PDE7A: variants seen among roughly 807,000 people sequenced by gnomAD.
PDE7A encodes phosphodiesterase 7A, also known as high affinity 3',5'-cyclic-AMP phosphodiesterase 7A.
A neutral mutation model predicts 64.3 loss-of-function variants in PDE7A; 39 were observed. That is an observed-to-expected ratio of 0.61 (90% CI 0.47 to 0.79). The LOEUF is 0.79. Ranked by LOEUF, PDE7A falls within the 30% of genes least tolerant of loss-of-function variation. The pLI is 0.00. For synonymous variants in PDE7A, 203 were observed against 206.8 expected, an observed-to-expected ratio of 0.98 and a Z score of 0.16; for missense variants, 470 against 582.8, an observed-to-expected ratio of 0.81 and a Z score of 1.99.
At chr8:65,776,588 A>T (rs1809266589) in intron 3 of PDE7A, among the ~76,000 whole-genome samples, 1 of 152,146 alleles carries the variant, frequency 6.6e-6, no homozygotes, top group South Asian at 2.1e-4. Context: ...CTATGTAATC[A>T]CTTACAGTTT....
intron 3 of PDE7A, among the ~76,000 whole-genome samples, chr8:65,757,913 A>G (rs1563491689): frequency 1.3e-5 from 2 of 152,214 alleles, no homozygotes; most frequent in African/African-American, 2.4e-5. Context: ...CACCACACCC[A>G]GCCAACTCCA....
At chr8:65,753,693 T>A (rs948830498) in intron 3 of PDE7A, among the ~76,000 whole-genome samples, 8 of 152,178 alleles carry the variant, frequency 5.3e-5, no homozygotes, top group African/African-American at 1.9e-4. Flanking sequence ...CTCTTCTGAT[T>A]GTCCTATCCA....
chr8:65,798,199 TATA>T (rs1563511788), intron 1 of PDE7A, among the ~76,000 whole-genome samples: 2 of 22,522 alleles, frequency 8.9e-5, no homozygotes, highest in South Asian at 1.6e-3. Flanking sequence ...TATATATATA[TATA>T]TATATTTTTT....
At chr8:65,737,708 G>A (rs576890740) in intron 6 of PDE7A, among the ~76,000 whole-genome samples, 2 of 151,946 alleles carry the variant, frequency 1.3e-5, no homozygotes, top group Non-Finnish European at 2.9e-5. Flanking sequence ...TAGTAGAGAC[G>A]GGGTTTCACC....
rs137869565 is a variant in PDE7A, at chr8:65,821,209, A to AT, written c.138+20161dup. On this transcript the variant is annotated intron_variant, in intron 1 of 12. Coordinates refer to ENST00000401827, the MANE Select transcript of PDE7A (RefSeq NM_001242318.3). ...AAAAAAACCCTTTTTTCATATTTGT[A>AT]TTTTTTTTAAGAGAAAATAATGCCT... Among the ~76,000 whole-genome samples the AT allele has an allele frequency of 1.3e-4, 20 of 151,990 alleles. No individual in the cohort carries two copies. In the East Asian group the frequency reaches 1.7e-3, roughly 13 times the overall value.
intron 3 of PDE7A, among the ~76,000 whole-genome samples, chr8:65,748,766 G>A (rs1390971255): frequency 6.6e-6 from 1 of 152,050 alleles, no homozygotes; most frequent in African/African-American, 2.4e-5. Flanking sequence ...TGTGTATAAT[G>A]GCAATAATAT....
Position 65,719,093 on chromosome 8 carries a change from T to C in PDE7A, c.*197A>G, listed in dbSNP as rs1293298353. On this transcript the variant is annotated 3_prime_UTR_variant, in exon 13 of 13. Coordinates refer to ENST00000401827, the MANE Select transcript of PDE7A (RefSeq NM_001242318.3). ...GTTTCACATGAAAGCCAAATTCATA[T>C]TGCTGTATGTTCGGGTCTTGCAATT... 2.7e-5 allele frequency: 16 copies of C among 583,768 alleles called. No individual in the cohort carries two copies. The highest frequency in any genetic ancestry group is 4.3e-5 in the Non-Finnish European group (14 of 327,034). The allele number at this position is 583,768 out of a possible 1,614,324, so 36.2% of individuals were successfully genotyped here.
intron 5 of PDE7A, among the ~76,000 whole-genome samples, chr8:65,740,775 A>G (rs1052648639): frequency 6.6e-6 from 1 of 152,090 alleles, no homozygotes; most frequent in Non-Finnish European, 1.5e-5. Context: ...AGGTACAACT[A>G]TCCCCACCCC....
intron 5 of PDE7A, among the ~76,000 whole-genome samples, chr8:65,745,093 A>T (rs115577074): frequency 6.6e-6 from 1 of 152,222 alleles, no homozygotes; most frequent in East Asian, 1.9e-4. Context: ...TGATGATTTC[A>T]TAAGGGGTTT....
intron 12 of PDE7A, chr8:65,722,723 A>T (rs996843761): frequency 6.6e-6 from 1 of 152,230 alleles, no homozygotes; most frequent in African/African-American, 2.4e-5. Flanking sequence ...TAATACAGTT[A>T]TTAGTTCACT....
intron 4 of PDE7A, among the ~76,000 whole-genome samples, chr8:65,745,966 C>T (rs1291235418): frequency 6.8e-6 from 1 of 147,566 alleles, no homozygotes; most frequent in South Asian, 2.1e-4. Context: ...CACTCACTGT[C>T]ACCAAGGCTG....
intron 3 of PDE7A, among the ~76,000 whole-genome samples, chr8:65,760,677 A>G (rs1384879815): frequency 6.6e-6 from 1 of 152,186 alleles, no homozygotes; most frequent in Non-Finnish European, 1.5e-5. Context: ...TAGTTTCTTC[A>G]TGTTTACTCC....
chr8:65,736,079 G>A lies in PDE7A; in HGVS notation c.596-1185C>T, dbSNP rs138341942. On this transcript the variant is annotated intron_variant, in intron 6 of 12. Transcript: ENST00000401827. The stretch of plus-strand genomic sequence containing the variant: ...TATACAAACACACCTACGATAATGC[G>A]CAATTTATAAGTTAGTCACAGTAAG... Among the ~76,000 whole-genome samples the A allele has an allele frequency of 3.8e-3, 577 of 152,064 alleles. 6 individuals carry two copies. Among genetic ancestry groups the A allele is most frequent in the African/African-American group, 0.013 (549 of 41,442 alleles).
At chr8:65,749,118 C>T (rs1299239613) in intron 3 of PDE7A, among the ~76,000 whole-genome samples, 3 of 152,166 alleles carry the variant, frequency 2.0e-5, no homozygotes, top group South Asian at 2.1e-4. Flanking sequence ...GGGAAGCACC[C>T]GCTCTGGCTT....
At chr8:65,733,897 G>A (rs1263994897) in intron 7 of PDE7A, among the ~76,000 whole-genome samples, 1 of 152,078 alleles carries the variant, frequency 6.6e-6, no homozygotes, top group Non-Finnish European at 1.5e-5. Context: ...TAAGATCTAG[G>A]GAGAGAGCAG....
At chr8:65,797,350 C>T (rs1373467484) in intron 1 of PDE7A, among the ~76,000 whole-genome samples, 1 of 152,170 alleles carries the variant, frequency 6.6e-6, no homozygotes, top group African/African-American at 2.4e-5. Context: ...TTTGGACAGA[C>T]CACACAAATG....
At chr8:65,841,259 C>T (rs1439104876) in intron 1 of PDE7A, 112 bp downstream of exon 1, 1 of 1,223,880 alleles carries the variant, frequency 8.2e-7, no homozygotes, top group South Asian at 2.1e-5. Context: ...CCTAGAAATC[C>T]CCAGACAATG....
intron 1 of PDE7A, among the ~76,000 whole-genome samples, chr8:65,807,850 G>A (rs1461710205): frequency 6.6e-6 from 1 of 152,184 alleles, no homozygotes; most frequent in Non-Finnish European, 1.5e-5. Flanking sequence ...CAGAACATGG[G>A]TCAGTGATGA....
At chr8:65,733,794 A>G (rs1375256200) in intron 7 of PDE7A, among the ~76,000 whole-genome samples, 2 of 152,212 alleles carry the variant, frequency 1.3e-5, no homozygotes, top group Non-Finnish European at 2.9e-5. Flanking sequence ...GATCTCTTAA[A>G]TAATCAGAAG....
Sources: gnomAD v4.1 joint callset for allele counts (sites outside exome capture counted in the v4.1 genomes callset) on GRCh38, gnomAD v4.1.1 for gene constraint, MANE v1.5 for transcripts, NCBI Gene and HGNC (gene_info 2026-07-23, HGNC 2026-07-21) for gene names.